HUNK: variants seen among roughly 807,000 people sequenced by gnomAD.
The protein encoded by HUNK is hormonally up-regulated Neu-associated kinase.
A neutral mutation model predicts 61.0 loss-of-function variants in HUNK; 21 were observed. That is an observed-to-expected ratio of 0.34 (90% CI 0.24 to 0.50). HUNK has a LOEUF of 0.50. HUNK is among the 20% of genes least tolerant of loss of function. The pLI, the probability that HUNK is intolerant of heterozygous loss-of-function variation, is 0.98. For missense variants in HUNK, 772 were observed against 945.7 expected (o/e 0.82, Z 2.41); for synonymous variants, 371 against 386.1 (o/e 0.96, Z 0.46).
rs1466571969 is a variant in HUNK, at chr21:31,995,926, C to A, written c.1464C>A (p.Ser488=). ...CCCTCCTGAAGGACCGGAAGGCCTCCAAGTCCAGCTTCCCCGACAAAGGTG... is the reference window on the plus strand; with the variant it reads ...CCCTCCTGAAGGACCGGAAGGCCTCAAAGTCCAGCTTCCCCGACAAAGGTG... ...TKALLKDRKA[S]KSSFPDKDSF... is the part of the protein sequence containing the mutation. The change falls in exon 10 of 11, where the codon TCC becomes TCA. Residue 488 remains serine (S), a synonymous_variant. Transcript: ENST00000270112. The A allele has an allele frequency of 1.2e-6, 2 of 1,613,550 alleles. No individual in the cohort carries two copies. The highest frequency in any genetic ancestry group is 1.7e-6 in the Non-Finnish European group (2 of 1,179,700).
rs976179636 is a variant in HUNK, at chr21:32,000,882, C to T, written c.*1698C>T. 20 of 397,570 alleles carry T rather than the reference C, an allele frequency of 5.0e-5. No homozygotes were observed. The highest frequency in any genetic ancestry group is 6.2e-5 in the Non-Finnish European group (14 of 225,962). 24.6% of individuals were successfully genotyped at this position (397,570 alleles called of 1,614,324 possible). On this transcript the variant is annotated 3_prime_UTR_variant, in exon 11 of 11. Coordinates refer to ENST00000270112, the MANE Select transcript of HUNK (RefSeq NM_014586.2). The stretch of plus-strand genomic sequence containing the variant: ...CTGTTTCTTCCCTAGGGGATCACCA[C>T]GGCTCTAGGGCATTCTAGGATGAGG...
At chr21:31,900,493 T>C (rs919907938) in intron 1 of HUNK, among the ~76,000 whole-genome samples, 1 of 112,622 alleles carries the variant, frequency 8.9e-6, no homozygotes, top group Non-Finnish European at 1.8e-5. Context: ...TCTACTGTGC[T>C]CGTCATGATT....
chr21:31,924,397 C>T lies in HUNK; in HGVS notation c.262-71C>T. ...ACATAGCTAGCATTTTTCTTGGGTT[C>T]CTGTGAGTAGCCAAGGCATCGCTAT... On this transcript the variant is annotated intron_variant, in intron 1 of 10. Transcript: ENST00000270112. The surrounding 1 kb of genome is among the most constrained non-coding windows in gnomAD (Gnocchi z 5.1). The T allele has an allele frequency of 1.4e-6, 2 of 1,441,198 alleles. No homozygotes were observed. Among genetic ancestry groups the T allele is most frequent in the African/African-American group, 1.4e-5 (1 of 70,454 alleles). 89.3% of individuals were successfully genotyped at this position (1,441,198 alleles called of 1,614,324 possible). A position where few individuals can be genotyped will look rare whatever the true frequency, so the allele number is the denominator to read the frequency against.
At chr21:31,895,246 G>T (rs999297514) in intron 1 of HUNK, among the ~76,000 whole-genome samples, 3 of 152,164 alleles carry the variant, frequency 2.0e-5, no homozygotes, top group Non-Finnish European at 4.4e-5. Flanking sequence ...TGTGAACTTT[G>T]TGTCTCCTGA....
intron 1 of HUNK, among the ~76,000 whole-genome samples, chr21:31,888,013 C>T (rs1281745762): frequency 6.6e-6 from 1 of 152,082 alleles, no homozygotes; most frequent in Non-Finnish European, 1.5e-5. Context: ...GTCTTGGATG[C>T]TTTGCTGCAT....
At chr21:31,957,608 C>T (rs1377169335) in intron 4 of HUNK, among the ~76,000 whole-genome samples, 2 of 152,104 alleles carry the variant, frequency 1.3e-5, no homozygotes, top group African/African-American at 2.4e-5. Flanking sequence ...CACTTGAGAC[C>T]TCTTGGTAGG....
intron 3 of HUNK, among the ~76,000 whole-genome samples, chr21:31,942,016 CCTGA>C (rs2052772006): frequency 6.6e-6 from 1 of 152,198 alleles, no homozygotes; most frequent in South Asian, 2.1e-4. Flanking sequence ...TCAAGACCAG[CCTGA>C]CTAACATGTG....
intron 6 of HUNK, among the ~76,000 whole-genome samples, chr21:31,968,722 G>GTC (rs1213113294): frequency 7.7e-6 from 1 of 130,626 alleles, no homozygotes; most frequent in Non-Finnish European, 1.7e-5. Context: ...CCGAGTGTGT[G>GTC]TGTGTGTGTG....
At chr21:31,913,219 C>G (rs188971376) in intron 1 of HUNK, among the ~76,000 whole-genome samples, 4 of 152,024 alleles carry the variant, frequency 2.6e-5, no homozygotes, top group Non-Finnish European at 5.9e-5. Flanking sequence ...GTGACCCCAG[C>G]CAGTCTGGAT....
intron 2 of HUNK, 130 bp from the exon 3 acceptor site, chr21:31,940,035 G>A (rs1029715688): frequency 3.0e-6 from 2 of 658,942 alleles, no homozygotes; most frequent in Non-Finnish European, 5.3e-6. Context: ...TGTTGATTGA[G>A]TTTTGGCAGA....
At chr21:31,932,040 C>A (rs145387891) in intron 2 of HUNK, among the ~76,000 whole-genome samples, 2 of 152,114 alleles carry the variant, frequency 1.3e-5, no homozygotes, top group Non-Finnish European at 2.9e-5. Context: ...CCCATGGATG[C>A]GTGCACATGC....
chr21:31,924,493 A>G lies in HUNK; in HGVS notation c.287A>G (p.Lys96Arg), dbSNP rs138361949. 5.6e-6 allele frequency: 9 copies of G among 1,614,032 alleles called. No individual in the cohort carries two copies. In the African/African-American group the frequency reaches 9.3e-5, roughly 17 times the overall value. The change falls in exon 2 of 11, where the codon AAG (lysine) becomes AGG (arginine). Residue 96 changes from lysine (K) to arginine (R), a missense_variant. Physicochemically the swap from Lys to Arg is conservative, Grantham distance 26. This residue lies in a region of HUNK where 359 missense variants were observed against 501.3 expected (regional missense o/e 0.72). Coordinates refer to ENST00000270112, the MANE Select transcript of HUNK (RefSeq NM_014586.2). This position sits in a 1 kb window ranked among gnomAD's most constrained non-coding sequence, Gnocchi z 5.1. The stretch of plus-strand genomic sequence containing the variant: ...GTGGCCATAAAAGTCATTGATAAGA[A>G]GAGAGCCAAAAAGGACACCTATGTC... ...EKVAIKVIDK[K>R]RAKKDTYVTK...
At chr21:31,942,997 G>A (rs1318099035) in intron 3 of HUNK, among the ~76,000 whole-genome samples, 1 of 152,126 alleles carries the variant, frequency 6.6e-6, no homozygotes, top group African/African-American at 2.4e-5. Flanking sequence ...TTGCCCCTGG[G>A]TTGGGCAATT....
intron 3 of HUNK, among the ~76,000 whole-genome samples, chr21:31,941,477 T>G (rs1032623688): frequency 6.6e-6 from 1 of 152,034 alleles, no homozygotes; most frequent in Non-Finnish European, 1.5e-5. Flanking sequence ...TGGCTAATTT[T>G]TGTATTTTTA....
At chr21:31,946,906 G>A (rs551131193) in intron 4 of HUNK, among the ~76,000 whole-genome samples, 5 of 152,334 alleles carry the variant, frequency 3.3e-5, no homozygotes, top group Non-Finnish European at 7.3e-5. Context: ...TGAGCCACGC[G>A]CCCGGCCGTT....
intron 1 of HUNK, among the ~76,000 whole-genome samples, chr21:31,906,756 C>T (rs1238686170): frequency 6.6e-6 from 1 of 151,650 alleles, no homozygotes; most frequent in Non-Finnish European, 1.5e-5. Context: ...AGTGCTAGGT[C>T]TCAGGCAGGC....
rs141293082 is a variant in HUNK, at chr21:31,953,793, A to C, written c.747-5050A>C. 1.4e-3 allele frequency among the ~76,000 whole-genome samples: 210 copies of C among 152,166 alleles called. 4 individuals carry two copies. In the South Asian group the frequency reaches 0.019, roughly 14 times the overall value. ...TGGGTCCTCTTTAAGGATTTGTGAC[A>C]ATTTTTTTTTTCATTGATGATAAAT... On this transcript the variant is annotated intron_variant, in intron 4 of 10. Transcript: ENST00000270112.
At chr21:31,997,317 G>T (rs1294678524) in intron 10 of HUNK, among the ~76,000 whole-genome samples, 1 of 152,204 alleles carries the variant, frequency 6.6e-6, no homozygotes, top group African/African-American at 2.4e-5. Context: ...GATCTGGCAG[G>T]TTGCCTTAAC....
intron 1 of HUNK, among the ~76,000 whole-genome samples, chr21:31,881,857 C>T (rs533119213): frequency 1.4e-4 from 21 of 152,232 alleles, no homozygotes; most frequent in African/African-American, 4.3e-4. Flanking sequence ...ATGTGCCACA[C>T]GCTGGGGGAT....
Sources: allele counts gnomAD v4.1 joint callset (sites outside exome capture counted in the v4.1 genomes callset), GRCh38; gene constraint gnomAD v4.1.1; regional missense constraint gnomAD v4.1.1; non-coding constraint Gnocchi (gnomAD v3.1); transcripts MANE v1.5; gene names NCBI Gene and HGNC (gene_info 2026-07-23, HGNC 2026-07-21).